The following PKHD1L1 variants were observed in gnomAD, a reference collection of about 807,000 sequenced individuals.
PKHD1L1 encodes the protein fibrocystin-L.
A neutral mutation model predicts 462.9 loss-of-function variants in PKHD1L1; 434 were observed. The observed-to-expected ratio is 0.94, with a 90% CI of 0.87 to 1.02. PKHD1L1 has a LOEUF of 1.02. Ranked by LOEUF, PKHD1L1 falls within the 50% of genes least tolerant of loss-of-function variation. The pLI is 0.00. For missense variants in PKHD1L1, 5,202 were observed against 5,096.1 expected, an observed-to-expected ratio of 1.02 and a Z score of -0.63; for synonymous variants, 1,781 against 1,750.0, an observed-to-expected ratio of 1.02 and a Z score of -0.44.
intron 11 of PKHD1L1, among the ~76,000 whole-genome samples, chr8:109,397,925 T>C (rs1191431230): frequency 6.6e-6 from 1 of 152,208 alleles, no homozygotes; most frequent in African/African-American, 2.4e-5. Context: ...TGTGCTTATG[T>C]AAAAGTTACA....
At chr8:109,489,213 T>G (rs1357542046) in intron 59 of PKHD1L1, among the ~76,000 whole-genome samples, 1 of 152,016 alleles carries the variant, frequency 6.6e-6, no homozygotes, top group African/African-American at 2.4e-5. Flanking sequence ...AAGTATCAGT[T>G]TTTGAACAAA....
rs181520404 is a variant in PKHD1L1 at position 109,464,546 on chromosome 8, C to G, written c.7714C>G (p.Arg2572Gly). The change falls in exon 49 of 78, where the codon CGA becomes GGA. Residue 2572 changes from arginine (R) to glycine (G), a missense_variant. By Grantham distance (125) the Arg-to-Gly change is moderately radical (BLOSUM62 -2). This residue lies in a region of PKHD1L1 where 4,497 missense variants were observed against 4,336.8 expected (regional missense o/e 1.04). Transcript: ENST00000378402. ...GGTCACCAACCCGAACAATACCATA[C>G]GACACAATGCTGTTGCTGGTGGCAC... ...FWVTNPNNTIRHNAVAGGTHF... is the reference protein window; with the variant it reads ...FWVTNPNNTIGHNAVAGGTHF... 7 of 1,613,440 alleles carry G rather than the reference C, an allele frequency of 4.3e-6. No individual in the cohort carries two copies. The highest frequency in any genetic ancestry group is 5.9e-6 in the Non-Finnish European group (7 of 1,179,772).
At position 109,535,592 on chromosome 8, in the gene PKHD1L1, T is replaced by C. The variant is rs1408774596; in HGVS notation, c.*5502T>C. 6.6e-6 allele frequency among the ~76,000 whole-genome samples: 1 copy of C among 152,064 alleles called. No homozygotes were observed. Among genetic ancestry groups the C allele is most frequent in the Non-Finnish European group, 1.5e-5 (1 of 67,988 alleles). On this transcript the variant is annotated 3_prime_UTR_variant, in exon 78 of 78. Coordinates refer to ENST00000378402, the MANE Select transcript of PKHD1L1 (RefSeq NM_177531.6). ...AGAGGGAGATCCCCAAACAAACAAT[T>C]CAAAATTAAGAGTTTAAAAAGCAAC...
Position 109,400,197 on chromosome 8 carries a change from C to T in PKHD1L1, c.1134C>T (p.Ser378=). 1.2e-6 allele frequency: 2 copies of T among 1,613,598 alleles called. No individual in the cohort carries two copies. The highest frequency in any genetic ancestry group is 1.7e-6 in the Non-Finnish European group (2 of 1,179,674). The change falls in exon 13 of 78, where the codon TCC becomes TCT. Residue 378 remains serine, a synonymous_variant. Transcript: ENST00000378402. ...GTGCCAGTTGGGTAGATTCAGCTTC[C>T]TATATTTGGCTCATGGAACAAGACA... ...YMGASWVDSA[S]YIWLMEQDTF... is the part of the protein sequence containing the mutation.
intron 75 of PKHD1L1, 66 bp downstream of exon 75, chr8:109,522,956 A>T: frequency 6.9e-7 from 1 of 1,454,554 alleles, no homozygotes; most frequent in South Asian, 1.4e-5. Flanking sequence ...AGGATGAGCC[A>T]GTTTCACTCA....
chr8:109,394,564 T>C (rs1317030717), intron 10 of PKHD1L1, 79 bp downstream of exon 10: 3 of 947,068 alleles, frequency 3.2e-6, no homozygotes, highest in Non-Finnish European at 4.6e-6. Context: ...CCAAAGACAA[T>C]GAGTGTAAGG....
intron 59 of PKHD1L1, 33 bp from the exon 60 acceptor site, chr8:109,489,919 G>A: frequency 7.3e-7 from 1 of 1,373,974 alleles, no homozygotes; most frequent in Non-Finnish European, 1.0e-6. Context: ...ACTGTTTTAA[G>A]AAAAACAAAT....
intron 14 of PKHD1L1, among the ~76,000 whole-genome samples, chr8:109,403,113 G>A (rs1192290977): frequency 6.6e-6 from 1 of 152,114 alleles, no homozygotes; most frequent in African/African-American, 2.4e-5. Context: ...TTGAATGAAA[G>A]CAACTCCTAA....
At chr8:109,509,026 T>C (rs1819841879) in intron 70 of PKHD1L1, among the ~76,000 whole-genome samples, 1 of 152,196 alleles carries the variant, frequency 6.6e-6, no homozygotes, top group African/African-American at 2.4e-5. Flanking sequence ...TTTCATGTGC[T>C]GAAAGTGTAC....
rs1586678985 is a variant in PKHD1L1 at position 109,534,908 on chromosome 8, G to T, written c.*4818G>T. Among the ~76,000 whole-genome samples, 1 of 149,516 alleles carries T rather than the reference G, an allele frequency of 6.7e-6. No homozygotes were observed. The highest frequency in any genetic ancestry group is 1.5e-5 in the Non-Finnish European group (1 of 67,310). On this transcript the variant is annotated 3_prime_UTR_variant, in exon 78 of 78. Coordinates refer to ENST00000378402, the MANE Select transcript of PKHD1L1 (RefSeq NM_177531.6). ...ACCCATGAATGTGACTTTATTAGAG[G>T]TTTTTTTTTTAGGTTAAGGACTATG...
chr8:109,432,962 G>T (rs748248288), intron 27 of PKHD1L1, 144 bp from the exon 28 acceptor site: 14 of 589,108 alleles, frequency 2.4e-5, no homozygotes, highest in Non-Finnish European at 3.5e-5. Context: ...AATAAATGTG[G>T]ATTTTTCTCC....
chr8:109,474,183 A>C (rs934148755), intron 50 of PKHD1L1, among the ~76,000 whole-genome samples: 18 of 152,024 alleles, frequency 1.2e-4, no homozygotes, highest in African/African-American at 3.9e-4. Context: ...ATGGCTTTGG[A>C]ATTTTGTTGG....
intron 21 of PKHD1L1, among the ~76,000 whole-genome samples, chr8:109,414,235 C>T (rs1814011086): frequency 6.6e-6 from 1 of 152,130 alleles, no homozygotes; most frequent in Non-Finnish European, 1.5e-5. Context: ...CACAGAGACA[C>T]ATACCTTTCT....
At chr8:109,462,636 G>C (rs1817204556) in intron 48 of PKHD1L1, among the ~76,000 whole-genome samples, 1 of 152,060 alleles carries the variant, frequency 6.6e-6, no homozygotes, top group Non-Finnish European at 1.5e-5. Flanking sequence ...CCACCTCCAG[G>C]GTTCAAGCAA....
intron 41 of PKHD1L1, among the ~76,000 whole-genome samples, chr8:109,451,357 A>G (rs536905374): frequency 3.0e-4 from 46 of 152,346 alleles, no homozygotes; most frequent in African/African-American, 1.1e-3. Context: ...CCCACGGAGA[A>G]GTCCTGCCTT....
chr8:109,430,597 T>A (rs1228357157), intron 27 of PKHD1L1, among the ~76,000 whole-genome samples: 2 of 152,204 alleles, frequency 1.3e-5, no homozygotes, highest in Non-Finnish European at 2.9e-5. Flanking sequence ...GATTATGCTT[T>A]GTGTCTGAGC....
intron 10 of PKHD1L1, among the ~76,000 whole-genome samples, chr8:109,395,735 C>T (rs1812938659): frequency 6.6e-6 from 1 of 152,152 alleles, no homozygotes; most frequent in African/African-American, 2.4e-5. Context: ...TGCCTTCGTG[C>T]TCAGCTCAGG....
In PKHD1L1 at chr8:109,418,983, T is replaced by C. The variant is rs901923237; in HGVS notation, c.2361-114T>C. ...TTCTGTGCTAATAAAGCTCCCCTGA[T>C]GGTCGTCTTGTGGGAAAAAATATTT... On this transcript the variant is annotated intron_variant, in intron 21 of 77. Transcript: ENST00000378402. The C allele has an allele frequency of 2.8e-5, 25 of 894,298 alleles. No individual in the cohort carries two copies. In the Middle Eastern group the frequency reaches 1.3e-3, roughly 45 times the overall value. The allele number at this position is 894,298 out of a possible 1,614,324, so 55.4% of individuals were successfully genotyped here. A position where few individuals can be genotyped will look rare whatever the true frequency, so the allele number is the denominator to read the frequency against.
chr8:109,465,808 G>C (rs1038075563), intron 49 of PKHD1L1, among the ~76,000 whole-genome samples: 1 of 152,036 alleles, frequency 6.6e-6, no homozygotes, highest in Non-Finnish European at 1.5e-5. Flanking sequence ...AATACCAAAA[G>C]AACAAAATTC....
Sources: gnomAD v4.1 joint callset for allele counts (sites outside exome capture counted in the v4.1 genomes callset) on GRCh38, gnomAD v4.1.1 for gene constraint, gnomAD v4.1.1 regional missense constraint, MANE v1.5 for transcripts, NCBI Gene and HGNC (gene_info 2026-07-23, HGNC 2026-07-21) for gene names.